PCDH15: variants seen among roughly 807,000 people sequenced by gnomAD.
PCDH15 encodes the protein protocadherin related 15.
A neutral mutation model predicts 178.5 loss-of-function variants in PCDH15; 129 were observed. That is an observed-to-expected ratio of 0.72 (90% CI 0.63 to 0.84). The LOEUF (loss-of-function observed/expected upper bound fraction) is 0.84. PCDH15 is among the 40% of genes least tolerant of loss of function. PCDH15 has a pLI of 0.00. For synonymous variants in PCDH15, 800 were observed against 732.0 expected (o/e 1.09, Z -1.50); for missense variants, 2,230 against 2,099.9 (o/e 1.06, Z -1.21).
chr10:55,007,714 T>C (rs1368434668), intron 2 of PCDH15, among the ~76,000 whole-genome samples: 1 of 152,160 alleles, frequency 6.6e-6, no homozygotes. Context: ...TATTGACTTC[T>C]GGCTTGAAGG....
At chr10:55,535,339 G>C (rs1170906619) in intron 2 of PCDH15, among the ~76,000 whole-genome samples, 1 of 152,038 alleles carries the variant, frequency 6.6e-6, no homozygotes, top group Non-Finnish European at 1.5e-5. Context: ...TAAAAAATGT[G>C]AGAATAAGAT....
intron 2 of PCDH15, among the ~76,000 whole-genome samples, chr10:54,999,633 G>C (rs1839746714): frequency 6.6e-6 from 1 of 152,150 alleles, no homozygotes; most frequent in South Asian, 2.1e-4. Flanking sequence ...TGGGAGCCAG[G>C]AACAGGTGAG....
intron 17 of PCDH15, among the ~76,000 whole-genome samples, chr10:54,070,935 A>C (rs533585153): frequency 6.6e-6 from 1 of 152,124 alleles, no homozygotes; most frequent in African/African-American, 2.4e-5. Context: ...TAATAGTATA[A>C]AAAAAGTGAG....
intron 1 of PCDH15, among the ~76,000 whole-genome samples, chr10:54,666,779 A>G (rs1410817660): frequency 3.3e-5 from 5 of 152,050 alleles, no homozygotes; most frequent in Non-Finnish European, 7.4e-5. Context: ...AAAAGGACAT[A>G]GTTGTGTTCC....
intron 3 of PCDH15, among the ~76,000 whole-genome samples, chr10:54,406,985 A>G (rs1952767142): frequency 6.6e-6 from 1 of 152,194 alleles, no homozygotes; most frequent in Admixed American, 6.6e-5. Flanking sequence ...ACTTGTGTCT[A>G]ACAAACACTT....
chr10:54,247,730 G>T (rs1208010395), intron 8 of PCDH15, among the ~76,000 whole-genome samples: 1 of 151,608 alleles, frequency 6.6e-6, no homozygotes, highest in Admixed American at 6.6e-5. Context: ...TGCCAAGCTT[G>T]CCAATAAGTA....
intron 2 of PCDH15, among the ~76,000 whole-genome samples, chr10:54,979,839 A>C (rs1839184200): frequency 6.6e-6 from 1 of 152,118 alleles, no homozygotes; most frequent in Non-Finnish European, 1.5e-5. Context: ...TATGTGTAAC[A>C]TATTGTAACA....
intron 2 of PCDH15, among the ~76,000 whole-genome samples, chr10:55,539,596 T>A (rs1326564039): frequency 6.6e-6 from 1 of 152,124 alleles, no homozygotes; most frequent in African/African-American, 2.4e-5. Flanking sequence ...TAATGTTCAA[T>A]AATGTTTTTT....
At chr10:54,131,084 T>C (rs2042399164) in intron 15 of PCDH15, among the ~76,000 whole-genome samples, 1 of 152,172 alleles carries the variant, frequency 6.6e-6, no homozygotes, top group Admixed American at 6.5e-5. Context: ...TCAGCCTTTG[T>C]ACCAGAGAAA....
chr10:54,562,877 C>T (rs560215994), intron 2 of PCDH15, among the ~76,000 whole-genome samples: 1 of 152,102 alleles, frequency 6.6e-6, no homozygotes, highest in South Asian at 2.1e-4. Flanking sequence ...AATATTATAC[C>T]CACCTCTCTA....
chr10:54,310,043 C>T (rs777837500), intron 8 of PCDH15, among the ~76,000 whole-genome samples: 22 of 152,092 alleles, frequency 1.4e-4, no homozygotes, highest in Non-Finnish European at 4.4e-5. Flanking sequence ...CAAATATGTG[C>T]TTAACATATG....
intron 8 of PCDH15, among the ~76,000 whole-genome samples, chr10:54,283,106 C>G (rs1476680796): frequency 6.6e-6 from 1 of 152,070 alleles, no homozygotes; most frequent in Non-Finnish European, 1.5e-5. Context: ...AGGACCACTA[C>G]AGTTGATAGC....
chr10:55,591,628 T>C (rs552683590), intron 2 of PCDH15, among the ~76,000 whole-genome samples: 1 of 152,236 alleles, frequency 6.6e-6, no homozygotes, highest in East Asian at 1.9e-4. Context: ...TTTCTTTTTC[T>C]GTGAAAATCT....
chr10:55,569,213 G>A (rs1203364266), intron 2 of PCDH15, among the ~76,000 whole-genome samples: 1 of 152,006 alleles, frequency 6.6e-6, no homozygotes, highest in Non-Finnish European at 1.5e-5. Flanking sequence ...TCATTTAAAA[G>A]AAGTATATGG....
chr10:55,322,900 C>A (rs1843938613), upstream of PCDH15, among the ~76,000 whole-genome samples: 1 of 152,036 alleles, frequency 6.6e-6, no homozygotes, highest in South Asian at 2.1e-4. Flanking sequence ...GTCTCTGGGG[C>A]ATGTCAGAGA....
chr10:55,389,616 G>A (rs1303992835), intron 2 of PCDH15, among the ~76,000 whole-genome samples: 2 of 152,030 alleles, frequency 1.3e-5, no homozygotes, highest in African/African-American at 4.8e-5. Context: ...CAATGCCTCT[G>A]CAATTCTAGA....
chr10:53,823,125 C>T, intron 32 of PCDH15: 1 of 1,613,998 alleles, frequency 6.2e-7, no homozygotes, highest in Non-Finnish European at 8.5e-7. Context: ...TGATACTTGA[C>T]TTATGTTTTC....
At chr10:54,913,162 T>C (rs1954846661) in intron 2 of PCDH15, among the ~76,000 whole-genome samples, 1 of 152,298 alleles carries the variant, frequency 6.6e-6, no homozygotes, top group Non-Finnish European at 1.5e-5. Context: ...AGGAGCCTAA[T>C]GGTAGTAGCC....
At chr10:54,703,196 T>A (rs945812917) in intron 1 of PCDH15, among the ~76,000 whole-genome samples, 5 of 151,872 alleles carry the variant, frequency 3.3e-5, no homozygotes, top group African/African-American at 1.2e-4. Context: ...GTTAAAAACC[T>A]CCACCAAATA....
Sources: gnomAD v4.1 joint callset for allele counts (sites outside exome capture counted in the v4.1 genomes callset) on GRCh38, gnomAD v4.1.1 for gene constraint, MANE v1.5 for transcripts, NCBI Gene and HGNC (gene_info 2026-07-23, HGNC 2026-07-21) for gene names.